Variants in IGF2BP3 observed in about 807,000 individuals in gnomAD.
IGF2BP3 encodes the protein insulin like growth factor 2 mRNA binding protein 3, also known as insulin-like growth factor 2 mRNA-binding protein 3.
Under a neutral mutation model 73.8 loss-of-function variants are expected in IGF2BP3, and 9 were observed. The ratio of observed to expected loss-of-function variants is 0.12; its 90% CI spans 0.07 to 0.21. The LOEUF (loss-of-function observed/expected upper bound fraction) is 0.21, where lower values mean the gene tolerates loss of function less well. IGF2BP3 is among the 10% of genes least tolerant of loss of function. The pLI is 1.00. For missense variants in IGF2BP3, 542 were observed against 714.0 expected, an observed-to-expected ratio of 0.76 and a Z score of 2.75; for synonymous variants, 258 against 256.7, an observed-to-expected ratio of 1.01 and a Z score of -0.05.
chr7:23,424,650 C>T (rs1019701401), intron 2 of IGF2BP3, among the ~76,000 whole-genome samples: 1 of 152,070 alleles, frequency 6.6e-6, no homozygotes, highest in Non-Finnish European at 1.5e-5. Context: ...GTAAACCCAG[C>T]ACTTTGGGAG....
In IGF2BP3 at chr7:23,442,877, T is replaced by C. The variant is rs549503603; in HGVS notation, c.237-24053A>G. On this transcript the variant is annotated intron_variant, in intron 2 of 14. Transcript: ENST00000258729. ...GTCCTTTGATAAATTCAGAGATTTA[T>C]GGTGGCAGTATGTAAACCAAATTAA... 1.5e-4 allele frequency among the ~76,000 whole-genome samples: 23 copies of C among 152,288 alleles called. No homozygotes were observed. In the South Asian group the frequency reaches 1.9e-3, roughly 12 times the overall value.
chr7:23,323,411 T>TTA (rs1784211148), intron 10 of IGF2BP3, among the ~76,000 whole-genome samples: 1 of 144,324 alleles, frequency 6.9e-6, no homozygotes, highest in Admixed American at 6.9e-5. Context: ...AGCACCCAGA[T>TTA]TCATAAAGCA....
At chr7:23,320,544 G>A (rs929769742) in intron 10 of IGF2BP3, among the ~76,000 whole-genome samples, 1 of 145,966 alleles carries the variant, frequency 6.9e-6, no homozygotes, top group Admixed American at 7.2e-5. Context: ...AATATAGTGA[G>A]AAAAACACTT....
At chr7:23,388,607 CTTTTTTTTTT>C (rs35723715) in intron 3 of IGF2BP3, among the ~76,000 whole-genome samples, 1 of 124,022 alleles carries the variant, frequency 8.1e-6, no homozygotes, top group Non-Finnish European at 1.7e-5. Context: ...TCTTCTCCAT[CTTTTTTTTTT>C]TTTTTTTTTT....
chr7:23,418,234 C>T (rs921284625), intron 3 of IGF2BP3, among the ~76,000 whole-genome samples: 1 of 152,120 alleles, frequency 6.6e-6, no homozygotes, highest in Non-Finnish European at 1.5e-5. Flanking sequence ...TTTCTTTTAT[C>T]CCTTCAACTA....
chr7:23,359,079 C>A (rs968314801), intron 5 of IGF2BP3, among the ~76,000 whole-genome samples: 1 of 152,212 alleles, frequency 6.6e-6, no homozygotes, highest in Non-Finnish European at 1.5e-5. Context: ...CAATTCTTAA[C>A]AGCCTTTTCC....
At chr7:23,362,830 T>G (rs1014790135) in intron 3 of IGF2BP3, among the ~76,000 whole-genome samples, 1 of 152,150 alleles carries the variant, frequency 6.6e-6, no homozygotes, top group Non-Finnish European at 1.5e-5. Context: ...CACAGCTCAC[T>G]GCAGCCTCAA....
At chr7:23,410,637 G>A (rs1214391044) in intron 3 of IGF2BP3, among the ~76,000 whole-genome samples, 1 of 152,168 alleles carries the variant, frequency 6.6e-6, no homozygotes, top group Non-Finnish European at 1.5e-5. Context: ...TATGTCTACA[G>A]TTCTTTAAAC....
intron 3 of IGF2BP3, among the ~76,000 whole-genome samples, chr7:23,388,822 C>A (rs1786175221): frequency 6.7e-6 from 1 of 148,376 alleles, no homozygotes. Context: ...AGCAAACATC[C>A]ACATAGAGAC....
intron 2 of IGF2BP3, among the ~76,000 whole-genome samples, chr7:23,448,692 C>G (rs932560103): frequency 2.6e-5 from 4 of 152,074 alleles, no homozygotes; most frequent in Non-Finnish European, 5.9e-5. Context: ...GTGCAGTAAC[C>G]TGATCTCAGC....
chr7:23,468,392 A>G, intron 2 of IGF2BP3, 90 bp downstream of exon 2: 2 of 1,309,210 alleles, frequency 1.5e-6, no homozygotes, highest in Non-Finnish European at 1.1e-6. Context: ...GCAGGGGGTA[A>G]GCACCAGAGG....
At chr7:23,347,461 C>T in intron 7 of IGF2BP3, 139 bp downstream of exon 7, 1 of 808,490 alleles carries the variant, frequency 1.2e-6, no homozygotes, top group Non-Finnish European at 2.0e-6. Flanking sequence ...ACAACCAGAT[C>T]AACAGTGCCA....
intron 3 of IGF2BP3, among the ~76,000 whole-genome samples, chr7:23,379,476 T>C (rs960794204): frequency 1.3e-5 from 2 of 152,206 alleles, no homozygotes; most frequent in African/African-American, 4.8e-5. Context: ...ATAGCACCTA[T>C]TGCGAATGAA....
intron 3 of IGF2BP3, among the ~76,000 whole-genome samples, chr7:23,367,035 G>C (rs1336356404): frequency 6.9e-6 from 1 of 144,250 alleles, no homozygotes; most frequent in Non-Finnish European, 1.5e-5. Context: ...CTGGAGTGCA[G>C]TGACATGATC....
intron 3 of IGF2BP3, among the ~76,000 whole-genome samples, chr7:23,387,198 G>A (rs1583974545): frequency 6.6e-6 from 1 of 152,120 alleles, no homozygotes. Flanking sequence ...CATTTTATCT[G>A]AAGTCTTCCT....
At chr7:23,387,052 C>G (rs1165782119) in intron 3 of IGF2BP3, among the ~76,000 whole-genome samples, 1 of 139,826 alleles carries the variant, frequency 7.2e-6, no homozygotes, top group Non-Finnish European at 1.5e-5. Context: ...AGCAACACGG[C>G]AAGACTCTGT....
chr7:23,334,682 C>T (rs550204210), intron 10 of IGF2BP3, among the ~76,000 whole-genome samples: 1 of 152,338 alleles, frequency 6.6e-6, no homozygotes, highest in South Asian at 2.1e-4. Flanking sequence ...GCAAAACTTC[C>T]TTTGGACTTC....
chr7:23,355,028 T>G (rs274061), intron 5 of IGF2BP3, among the ~76,000 whole-genome samples: 15,684 of 152,162 alleles, frequency 0.1, 1,852 homozygotes, highest in African/African-American at 0.29. Flanking sequence ...TTGTTATTCA[T>G]CTATGTCATA....
intron 3 of IGF2BP3, chr7:23,402,161 C>A (rs186899330): frequency 6.6e-6 from 1 of 152,254 alleles, no homozygotes; most frequent in Non-Finnish European, 1.5e-5. Context: ...TCCAAAACCA[C>A]CTGCTTAATA....
Sources: gnomAD v4.1 joint callset for allele counts (sites outside exome capture counted in the v4.1 genomes callset) on GRCh38, gnomAD v4.1.1 for gene constraint, MANE v1.5 for transcripts, NCBI Gene and HGNC (gene_info 2026-07-23, HGNC 2026-07-21) for gene names.